The following MAP2 variants were observed in gnomAD, a reference collection of about 807,000 sequenced individuals.
MAP2 encodes the protein microtubule associated protein 2.
Under a neutral mutation model 137.6 loss-of-function variants are expected in MAP2, and 14 were observed. The observed-to-expected ratio is 0.10, with a 90% CI of 0.07 to 0.16. The LOEUF (loss-of-function observed/expected upper bound fraction) is 0.16, where lower values mean the gene tolerates loss of function less well. Among genes scored for constraint, MAP2 ranks in the 10% least tolerant of loss-of-function variants. The pLI, the probability that MAP2 is intolerant of heterozygous loss-of-function variation, is 1.00. For synonymous variants in MAP2, 786 were observed against 782.3 expected, an observed-to-expected ratio of 1.00 and a Z score of -0.08; for missense variants, 2,088 against 2,191.5, an observed-to-expected ratio of 0.95 and a Z score of 0.94.
Position 209,694,498 on chromosome 2 carries a change from A to T in MAP2, c.2328A>T (p.Gly776=). Residue 776 remains glycine (G), a synonymous_variant, in exon 8 of 16, where the codon GGA becomes GGT. Coordinates refer to ENST00000682079, the MANE Select transcript of MAP2 (RefSeq NM_001375505.1). ...AGATAGAGAAAGTAAAAGCTACTGG[A>T]GAAGAAAGTACTCAAGCGGAGATAT... ...EEQIEKVKAT[G]EESTQAEISC... is the part of the protein sequence containing the mutation. 6.2e-7 allele frequency: 1 copy of T among 1,614,108 alleles called. No homozygotes were observed. The highest frequency in any genetic ancestry group is 8.5e-7 in the Non-Finnish European group (1 of 1,179,984).
At chr2:209,622,990 T>G (rs1270467781) in intron 3 of MAP2, among the ~76,000 whole-genome samples, 1 of 152,194 alleles carries the variant, frequency 6.6e-6, no homozygotes, top group East Asian at 1.9e-4. Flanking sequence ...CTTTTAAGTA[T>G]TTAGGGTTGG....
At chr2:209,514,403 A>G (rs2062166843) in intron 2 of MAP2, among the ~76,000 whole-genome samples, 1 of 152,042 alleles carries the variant, frequency 6.6e-6, no homozygotes, top group Non-Finnish European at 1.5e-5. Context: ...TAAATGTAGT[A>G]TCAAATGGCT....
chr2:209,468,808 G>C (rs754716001), intron 1 of MAP2, among the ~76,000 whole-genome samples: 10 of 151,958 alleles, frequency 6.6e-5, no homozygotes, highest in Non-Finnish European at 1.3e-4. Flanking sequence ...GGATATCTTT[G>C]ATCTGGGTAT....
chr2:209,575,398 G>A (rs1278809916), intron 2 of MAP2, among the ~76,000 whole-genome samples: 1 of 151,308 alleles, frequency 6.6e-6, no homozygotes, highest in Non-Finnish European at 1.5e-5. Flanking sequence ...GCGGGTGCCT[G>A]TAGTCCCAGC....
At chr2:209,680,707 G>A (rs762409141) in intron 6 of MAP2, 43 bp from the exon 7 acceptor site, 1 of 1,525,306 alleles carries the variant, frequency 6.6e-7, no homozygotes, top group Middle Eastern at 1.7e-4. Flanking sequence ...CAGCCTAAAA[G>A]GATTAATTAT....
At chr2:209,642,548 G>A (rs575500905) in intron 4 of MAP2, among the ~76,000 whole-genome samples, 1 of 152,082 alleles carries the variant, frequency 6.6e-6, no homozygotes, top group Non-Finnish European at 1.5e-5. Flanking sequence ...TCTATTTCTA[G>A]CAATAACCTA....
intron 1 of MAP2, among the ~76,000 whole-genome samples, chr2:209,483,671 C>T (rs1269207296): frequency 1.3e-5 from 2 of 152,096 alleles, no homozygotes; most frequent in African/African-American, 4.8e-5. Flanking sequence ...TGTTTATCTA[C>T]AAGAAAAATG....
chr2:209,662,123 T>C (rs2043936195), intron 5 of MAP2, among the ~76,000 whole-genome samples: 1 of 152,214 alleles, frequency 6.6e-6, no homozygotes, highest in South Asian at 2.1e-4. Context: ...CAAATTAAGG[T>C]ATGATTTTAT....
chr2:209,496,167 T>A (rs1177000805), intron 1 of MAP2, among the ~76,000 whole-genome samples: 1 of 152,200 alleles, frequency 6.6e-6, no homozygotes, highest in Non-Finnish European at 1.5e-5. Flanking sequence ...CAGCCTCTTT[T>A]TCTGGGGAGT....
rs956555224 is a variant in MAP2 at position 209,595,071 on chromosome 2, G to A, written c.-107+14971G>A. Among the ~76,000 whole-genome samples, 55 of 152,226 alleles carry A rather than the reference G, an allele frequency of 3.6e-4. 1 individual carries two copies. The highest frequency in any genetic ancestry group is 5.9e-5 in the Non-Finnish European group (4 of 68,022). Reference sequence around the variant, plus strand: ...CTAAAGAACTAGAAATTATATGGTGGTAGCAGTATTAAAATAAGCAATTGC... The same window carrying A: ...CTAAAGAACTAGAAATTATATGGTGATAGCAGTATTAAAATAAGCAATTGC... On this transcript the variant is annotated intron_variant, in intron 3 of 15. Transcript: ENST00000682079.
rs148161735 is a variant in MAP2 at position 209,497,975 on chromosome 2, C to T, written c.-221-9617C>T. On this transcript the variant is annotated intron_variant, in intron 1 of 15. Transcript: ENST00000682079. ...TCTCACATTGCAAAATACAGTCATGCTTTCCCAATGGTTCCCCAATGTCTT... is the reference window on the plus strand; with the variant it reads ...TCTCACATTGCAAAATACAGTCATGTTTTCCCAATGGTTCCCCAATGTCTT... Among the ~76,000 whole-genome samples the T allele has an allele frequency of 1.4e-4, 21 of 152,336 alleles. 1 individual carries two copies. The East Asian group carries it at 2.1e-3, about 15-fold the overall frequency.
chr2:209,689,886 T>A (rs2058337149), intron 7 of MAP2, among the ~76,000 whole-genome samples: 2 of 152,164 alleles, frequency 1.3e-5, no homozygotes, highest in South Asian at 4.1e-4. Flanking sequence ...ACACATTTTA[T>A]TTTACTTACT....
In MAP2 at chr2:209,696,759, C is replaced by T; in HGVS notation, c.4387+11C>T. 1 of 1,595,824 alleles carries T rather than the reference C, an allele frequency of 6.3e-7. No homozygotes were observed. The highest frequency in any genetic ancestry group is 1.2e-5 in the South Asian group (1 of 86,530). On this transcript the variant is annotated intron_variant, in intron 9 of 15. Transcript: ENST00000682079. ...TGAGAAGGAAAAAAGGTTCATTTAA[C>T]AATCACTTCTTTAAAAATGTTTTTG...
chr2:209,634,635 G>C (rs1559453252), intron 4 of MAP2, among the ~76,000 whole-genome samples: 1 of 152,106 alleles, frequency 6.6e-6, no homozygotes, highest in Non-Finnish European at 1.5e-5. Context: ...ATGTACTCTA[G>C]CTATATGCTC....
At chr2:209,485,166 T>A (rs2058224623) in intron 1 of MAP2, among the ~76,000 whole-genome samples, 1 of 152,224 alleles carries the variant, frequency 6.6e-6, no homozygotes, top group East Asian at 1.9e-4. Context: ...CTGTACAGAC[T>A]GATTCTGACT....
chr2:209,478,610 G>A (rs1707961355), intron 1 of MAP2, among the ~76,000 whole-genome samples: 1 of 152,160 alleles, frequency 6.6e-6, no homozygotes, highest in Non-Finnish European at 1.5e-5. Context: ...CTGTTGCAGA[G>A]TCCACTTTCT....
intron 2 of MAP2, among the ~76,000 whole-genome samples, chr2:209,534,801 CA>C (rs1261336247): frequency 1.3e-5 from 2 of 152,124 alleles, no homozygotes; most frequent in Non-Finnish European, 2.9e-5. Context: ...AGTTAGTCTG[CA>C]AGGACATGAA....
chr2:209,595,470 G>T (rs952434083), intron 3 of MAP2, among the ~76,000 whole-genome samples: 3 of 152,214 alleles, frequency 2.0e-5, no homozygotes, highest in Non-Finnish European at 4.4e-5. Flanking sequence ...AGATGCTGGA[G>T]AGGAGGTGGA....
chr2:209,678,588 G>A lies in MAP2; in HGVS notation c.279G>A (p.Arg93=). 3 of 1,585,976 alleles carry A rather than the reference G, an allele frequency of 1.9e-6. No individual in the cohort carries two copies. Among genetic ancestry groups the A allele is most frequent in the Non-Finnish European group, 2.6e-6 (3 of 1,165,636 alleles). ...DRETAEEVSA[R]IVQVVTAEAV... is the part of the protein sequence containing the mutation. ...TTATTACAGAGGAGGTGTCTGCAAG[G>A]ATAGTTCAAGTAGTCACTGCTGAGG... is the stretch of plus-strand genomic sequence containing the variant. The change falls in exon 6 of 16, where the codon AGG becomes AGA. Residue 93 remains arginine (R), a synonymous_variant. Transcript: ENST00000682079.
Sources: allele counts gnomAD v4.1 joint callset (sites outside exome capture counted in the v4.1 genomes callset), GRCh38; gene constraint gnomAD v4.1.1; transcripts MANE v1.5; gene names NCBI Gene and HGNC (gene_info 2026-07-23, HGNC 2026-07-21).